The following WNT2B variants were observed in gnomAD, a reference collection of about 807,000 sequenced individuals.
WNT2B encodes the protein protein Wnt-2b.
WNT2B carries 19 observed loss-of-function variants against 40.5 expected under a neutral mutation model. The ratio of observed to expected loss-of-function variants is 0.47; its 90% CI spans 0.33 to 0.69. The LOEUF is 0.69. WNT2B is among the 30% of genes least tolerant of loss of function. The pLI, the probability that WNT2B is intolerant of heterozygous loss-of-function variation, is 0.02. For synonymous variants in WNT2B, 220 were observed against 211.9 expected (o/e 1.04, Z -0.33); for missense variants, 467 against 556.4 (o/e 0.84, Z 1.62).
At chr1:112,520,252 T>C in intron 4 of WNT2B, 28 bp from the exon 5 acceptor site, 1 of 1,599,282 alleles carries the variant, frequency 6.3e-7, no homozygotes, top group Non-Finnish European at 8.5e-7. Flanking sequence ...GATAACTTTG[T>C]TCTCACTCCC....
upstream of WNT2B, among the ~76,000 whole-genome samples, chr1:112,508,147 G>C (rs574890898): frequency 1.4e-3 from 215 of 152,110 alleles, 3 homozygotes; most frequent in Non-Finnish European, 1.5e-3. The surrounding 1 kb of genome is among the most constrained non-coding windows in gnomAD (Gnocchi z 4.2). Flanking sequence ...CCTCTGGTGC[G>C]GGAAAACCTC....
chr1:112,483,485 T>G (rs2101057790), intron 1 of WNT2B, among the ~76,000 whole-genome samples: 1 of 152,084 alleles, frequency 6.6e-6, no homozygotes, highest in Non-Finnish European at 1.5e-5. Context: ...TCAAAAAGGA[T>G]TACAGATCTA....
In WNT2B at chr1:112,515,161, G is replaced by C; in HGVS notation, c.403+67G>C. Reference sequence around the variant, plus strand: ...GTGCTGGGGGTGGTGAGTGGGAAGAGTAGGCAAGATCTCCCCTCTCCTCTC... The same window carrying C: ...GTGCTGGGGGTGGTGAGTGGGAAGACTAGGCAAGATCTCCCCTCTCCTCTC... On this transcript the variant is annotated intron_variant, in intron 2 of 4. Transcript: ENST00000369684. This position sits in a 1 kb window ranked among gnomAD's most constrained non-coding sequence, Gnocchi z 4.4. The C allele has an allele frequency of 6.5e-7, 1 of 1,538,290 alleles. No individual in the cohort carries two copies. The highest frequency in any genetic ancestry group is 8.8e-7 in the Non-Finnish European group (1 of 1,130,302).
rs546196285 is a variant in WNT2B, at chr1:112,467,699, G to A, written c.-95+108G>A. ...TTATGGGGTATATATGATCATATACGTAGTATGTATAATGGTCAAGCTTGT... is the reference window on the plus strand; with the variant it reads ...TTATGGGGTATATATGATCATATACATAGTATGTATAATGGTCAAGCTTGT... On this transcript the variant is annotated intron_variant, in intron 1 of 4. Coordinates refer to the WNT2B transcript ENST00000256640. The A allele has an allele frequency of 4.0e-4, 264 of 667,286 alleles. No individual in the cohort carries two copies. The African/African-American group carries it at 4.0e-3, about 10-fold the overall frequency. The allele number at this position is 667,286 out of a possible 1,614,324, so 41.3% of individuals were successfully genotyped here. A position where few individuals can be genotyped will look rare whatever the true frequency, so the allele number is the denominator to read the frequency against.
upstream of WNT2B, among the ~76,000 whole-genome samples, chr1:112,507,291 T>C (rs1652136894): frequency 6.6e-6 from 1 of 152,222 alleles, no homozygotes; most frequent in African/African-American, 2.4e-5. Context: ...TCTATCCTCC[T>C]GCAATAGAAG....
chr1:112,474,863 T>G (rs1651009449), intron 1 of WNT2B, among the ~76,000 whole-genome samples: 1 of 152,184 alleles, frequency 6.6e-6, no homozygotes, highest in Non-Finnish European at 1.5e-5. Flanking sequence ...TTGAGAGATC[T>G]GGTTGTTTAA....
upstream of WNT2B, among the ~76,000 whole-genome samples, chr1:112,506,846 C>T (rs972674840): frequency 1.3e-5 from 2 of 152,220 alleles, no homozygotes; most frequent in Non-Finnish European, 2.9e-5. Flanking sequence ...GCCAGGAAGT[C>T]GGCCCTGAGA....
chr1:112,522,480 C>G lies in WNT2B; in HGVS notation c.*1971C>G, dbSNP rs1481698323. The stretch of plus-strand genomic sequence containing the variant: ...TAACAAAAGTCTGTAGATTAAGGAG[C>G]CTGCATAAAGAATTCTGGATACAGG... On this transcript the variant is annotated 3_prime_UTR_variant, in exon 5 of 5. Coordinates refer to ENST00000369684, the MANE Select transcript of WNT2B (RefSeq NM_024494.3). 6.6e-6 allele frequency: 1 copy of G among 152,242 alleles called. No homozygotes were observed. The highest frequency in any genetic ancestry group is 1.5e-5 in the Non-Finnish European group (1 of 68,048). The allele number at this position is 152,242 out of a possible 1,614,324, so 9.4% of individuals were successfully genotyped here. A position where few individuals can be genotyped will look rare whatever the true frequency, so the allele number is the denominator to read the frequency against.
At chr1:112,485,038 A>G (rs1159556294) in intron 1 of WNT2B, among the ~76,000 whole-genome samples, 1 of 152,232 alleles carries the variant, frequency 6.6e-6, no homozygotes, top group East Asian at 1.9e-4. Flanking sequence ...GCTTTTTTGT[A>G]GAAATTGACA....
At chr1:112,469,571 G>A (rs921151460) in intron 1 of WNT2B, among the ~76,000 whole-genome samples, 6 of 150,734 alleles carry the variant, frequency 4.0e-5, no homozygotes, top group Non-Finnish European at 8.9e-5. Context: ...TTTATTCCTA[G>A]GTTTTTTGTT....
intron 1 of WNT2B, among the ~76,000 whole-genome samples, chr1:112,512,482 A>G (rs1400549009): frequency 6.6e-6 from 1 of 152,236 alleles, no homozygotes; most frequent in East Asian, 1.9e-4. Flanking sequence ...TGGGGACCAC[A>G]CTTTGAGTAG....
rs183668188 is a variant in WNT2B at position 112,493,650 on chromosome 1, G to T, written c.-94-21224G>T. ...AATAAAACGAAACCAAAACTGAAAA[G>T]CAAAGAGAAAAAAGACTAGAAAGAA... On this transcript the variant is annotated intron_variant, in intron 1 of 4. Coordinates refer to the WNT2B transcript ENST00000256640. Among the ~76,000 whole-genome samples, 352 of 151,820 alleles carry T rather than the reference G, an allele frequency of 2.3e-3. 3 individuals carry two copies. The highest frequency in any genetic ancestry group is 7.9e-3 in the African/African-American group (325 of 41,386).
At chr1:112,474,472 G>T (rs541776113) in intron 1 of WNT2B, among the ~76,000 whole-genome samples, 1 of 152,152 alleles carries the variant, frequency 6.6e-6, no homozygotes, top group South Asian at 2.1e-4. Context: ...AAAACAACCA[G>T]AGGAAAAAAA....
intron 1 of WNT2B, among the ~76,000 whole-genome samples, chr1:112,496,950 A>G (rs1263857934): frequency 6.6e-6 from 1 of 152,196 alleles, no homozygotes; most frequent in Non-Finnish European, 1.5e-5. Context: ...AAGGAGTAAC[A>G]GGTCCCAAGT....
chr1:112,474,248 C>A (rs1038848337), intron 1 of WNT2B, among the ~76,000 whole-genome samples: 1 of 151,776 alleles, frequency 6.6e-6, no homozygotes, highest in African/African-American at 2.4e-5. Flanking sequence ...CGGGTTCAAG[C>A]GATTCTCCTG....
intron 1 of WNT2B, among the ~76,000 whole-genome samples, chr1:112,512,174 T>G (rs1366358390): frequency 6.6e-6 from 1 of 152,034 alleles, no homozygotes; most frequent in East Asian, 1.9e-4. Context: ...AGTAAAGCTG[T>G]AATGGAAATG....
At chr1:112,506,938 C>T (rs1413199031), upstream of WNT2B, among the ~76,000 whole-genome samples, 3 of 152,224 alleles carry the variant, frequency 2.0e-5, no homozygotes, top group Non-Finnish European at 4.4e-5. Context: ...AGCACTGCCT[C>T]CCATTCATGA....
At position 112,521,214 on chromosome 1, in the gene WNT2B, G is replaced by A. The variant is rs1652853810; in HGVS notation, c.*705G>A. 1 of 152,102 alleles carries A rather than the reference G, an allele frequency of 6.6e-6. No individual in the cohort carries two copies. Among genetic ancestry groups the A allele is most frequent in the Admixed American group, 6.6e-5 (1 of 15,246 alleles). 9.4% of individuals were successfully genotyped at this position (152,102 alleles called of 1,614,324 possible). A position where few individuals can be genotyped will look rare whatever the true frequency, so the allele number is the denominator to read the frequency against. On this transcript the variant is annotated 3_prime_UTR_variant, in exon 5 of 5. Transcript: ENST00000369684. ...ACTTGCTGCCTGTTCAAACTGAGGT[G>A]GAATGCAGTGGTTCCCATGCTTAAC...
At chr1:112,516,865 C>T (rs1484585472) in intron 3 of WNT2B, among the ~76,000 whole-genome samples, 2 of 152,208 alleles carry the variant, frequency 1.3e-5, no homozygotes, top group East Asian at 1.9e-4. Flanking sequence ...GAACAGAATC[C>T]TGTGGCTCTA....
Sources: allele counts gnomAD v4.1 joint callset (sites outside exome capture counted in the v4.1 genomes callset), GRCh38; gene constraint gnomAD v4.1.1; non-coding constraint Gnocchi (gnomAD v3.1); transcripts MANE v1.5; gene names NCBI Gene and HGNC (gene_info 2026-07-23, HGNC 2026-07-21).